The following SPIDR variants were observed in gnomAD, a reference collection of about 807,000 sequenced individuals.
SPIDR encodes the protein DNA repair-scaffolding protein.
In SPIDR, 93 loss-of-function variants were observed where a neutral mutation model predicts 104.6. The ratio of observed to expected loss-of-function variants is 0.89; its 90% CI spans 0.75 to 1.06. The LOEUF (loss-of-function observed/expected upper bound fraction) is 1.06. Among genes scored for constraint, SPIDR ranks in the 50% least tolerant of loss-of-function variants. The probability of loss-of-function intolerance (pLI) is 0.00; values close to 1 mark genes in which losing one functional copy is unlikely to be tolerated. For missense variants in SPIDR, 1,154 were observed against 1,111.2 expected (o/e 1.04, Z -0.55); for synonymous variants, 431 against 416.9 (o/e 1.03, Z -0.41).
intron 8 of SPIDR, among the ~76,000 whole-genome samples, chr8:47,476,062 A>C (rs1315681604): frequency 6.6e-6 from 1 of 152,186 alleles, no homozygotes; most frequent in Non-Finnish European, 1.5e-5. Context: ...ATCAGGCAGG[A>C]CCAATTTAAG....
chr8:47,396,794 C>T (rs1338228801), intron 6 of SPIDR, among the ~76,000 whole-genome samples, 168 bp downstream of exon 6: 1 of 152,206 alleles, frequency 6.6e-6, no homozygotes, highest in Non-Finnish European at 1.5e-5. Context: ...TCATGCCCAG[C>T]AGATGTGACT....
chr8:47,573,136 A>G (rs1587927573), intron 8 of SPIDR, among the ~76,000 whole-genome samples: 1 of 152,352 alleles, frequency 6.6e-6, no homozygotes, highest in African/African-American at 2.4e-5. Context: ...TCTAAATTAT[A>G]AATCAGAAAG....
At chr8:47,429,711 C>T (rs1554687726) in intron 7 of SPIDR, among the ~76,000 whole-genome samples, 1 of 151,234 alleles carries the variant, frequency 6.6e-6, no homozygotes, top group African/African-American at 2.4e-5. Flanking sequence ...TTCATCTGCG[C>T]TGCAGTTTTT....
chr8:47,694,463 AAAAAAT>A (rs780034189), intron 11 of SPIDR, among the ~76,000 whole-genome samples: 1 of 152,160 alleles, frequency 6.6e-6, no homozygotes, highest in African/African-American at 2.4e-5. Context: ...GGAGGAAAGA[AAAAAAT>A]AAAAATGAAT....
chr8:47,279,744 T>C, intron 1 of SPIDR, 118 bp from the exon 2 acceptor site: 1 of 995,030 alleles, frequency 1.0e-6, no homozygotes, highest in South Asian at 1.7e-5. Flanking sequence ...TCAAAAACTA[T>C]ACCTTTACTG....
At chr8:47,503,684 T>C (rs1215147071) in intron 8 of SPIDR, among the ~76,000 whole-genome samples, 1 of 152,200 alleles carries the variant, frequency 6.6e-6, no homozygotes, top group Non-Finnish European at 1.5e-5. Flanking sequence ...TTTATGATGT[T>C]AGGTGGTTAT....
rs147105530 is a variant in SPIDR at position 47,485,991 on chromosome 8, C to G, written c.1097+45449C>G. The stretch of plus-strand genomic sequence containing the variant: ...GCTCCTCGCCAGCAACGGAACAAAG[C>G]TGGACAGAGAATGACGACTTTGACG... On this transcript the variant is annotated intron_variant, in intron 8 of 19. Coordinates refer to ENST00000297423, the MANE Select transcript of SPIDR (RefSeq NM_001080394.4). Among the ~76,000 whole-genome samples, 1,188 of 152,328 alleles carry G rather than the reference C, an allele frequency of 7.8e-3. 10 individuals carry two copies. The highest frequency in any genetic ancestry group is 0.011 in the Non-Finnish European group (742 of 68,032).
chr8:47,519,874 G>A lies in SPIDR; in HGVS notation c.1098-75937G>A, dbSNP rs2083776674. Among the ~76,000 whole-genome samples, 3 of 152,140 alleles carry A rather than the reference G, an allele frequency of 2.0e-5. No individual in the cohort carries two copies. In the South Asian group the frequency reaches 6.2e-4, roughly 32 times the overall value. The stretch of plus-strand genomic sequence containing the variant: ...ATTTATAAATACATATGCTTGATTG[G>A]AGACATGATCTTTAAAAATTTTTAA... On this transcript the variant is annotated intron_variant, in intron 8 of 19. Coordinates refer to ENST00000297423, the MANE Select transcript of SPIDR (RefSeq NM_001080394.4).
In SPIDR at chr8:47,550,907, G is replaced by C. The variant is rs374945611; in HGVS notation, c.1098-44904G>C. Among the ~76,000 whole-genome samples the C allele has an allele frequency of 1.1e-4, 17 of 152,288 alleles. No individual in the cohort carries two copies. The East Asian group carries it at 1.5e-3, about 14-fold the overall frequency. Reference sequence around the variant, plus strand: ...TCAGTATGATATTGGCTGTGGGTTTGTCATAAATAGCTCTTATTATTTTGA... The same window carrying C: ...TCAGTATGATATTGGCTGTGGGTTTCTCATAAATAGCTCTTATTATTTTGA... On this transcript the variant is annotated intron_variant, in intron 8 of 19. Transcript: ENST00000297423.
intron 14 of SPIDR, among the ~76,000 whole-genome samples, chr8:47,707,948 T>C (rs747688429): frequency 6.6e-6 from 1 of 152,260 alleles, no homozygotes; most frequent in Non-Finnish European, 1.5e-5. Context: ...TAAATTTGCA[T>C]TGGTAATATT....
intron 5 of SPIDR, among the ~76,000 whole-genome samples, chr8:47,307,250 A>T (rs2043244996): frequency 1.4e-5 from 2 of 142,742 alleles, no homozygotes; most frequent in Admixed American, 1.4e-4. Context: ...TTTTTAATGG[A>T]GTCTCTATCG....
At chr8:47,534,812 T>A (rs970747509) in intron 8 of SPIDR, among the ~76,000 whole-genome samples, 13 of 151,240 alleles carry the variant, frequency 8.6e-5, no homozygotes, top group African/African-American at 2.9e-4. Flanking sequence ...AGGCAGAAAT[T>A]AATGAAATCG....
At chr8:47,729,531 A>G in intron 19 of SPIDR, 66 bp downstream of exon 19, 1 of 1,532,746 alleles carries the variant, frequency 6.5e-7, no homozygotes, top group African/African-American at 1.4e-5. Flanking sequence ...ACTCATCCCC[A>G]GAGGAAGCCC....
At chr8:47,604,815 G>A (rs73567590) in intron 10 of SPIDR, among the ~76,000 whole-genome samples, 1 of 152,158 alleles carries the variant, frequency 6.6e-6, no homozygotes, top group African/African-American at 2.4e-5. Flanking sequence ...ATGAGACATC[G>A]AAGAAGAGAT....
At chr8:47,421,815 A>G (rs1554680945) in intron 7 of SPIDR, among the ~76,000 whole-genome samples, 1 of 152,064 alleles carries the variant, frequency 6.6e-6, no homozygotes, top group East Asian at 1.9e-4. Flanking sequence ...CTGTTTGTTA[A>G]TTTTCCTTCT....
At chr8:47,464,175 A>C (rs1394298776) in intron 8 of SPIDR, among the ~76,000 whole-genome samples, 1 of 151,816 alleles carries the variant, frequency 6.6e-6, no homozygotes, top group Non-Finnish European at 1.5e-5. Flanking sequence ...TAGTAAATTG[A>C]GGAAAGTTGC....
rs955323230 is a variant in SPIDR, at chr8:47,557,093, A to G, written c.1098-38718A>G. On this transcript the variant is annotated intron_variant, in intron 8 of 19. Transcript: ENST00000297423. ...CTGCATTCCCAGGCCAGCCCCCAAA[A>G]GTCTGTTTTATACTAATGCATTATA... Among the ~76,000 whole-genome samples the G allele has an allele frequency of 9.2e-5, 14 of 152,220 alleles. No individual in the cohort carries two copies. The East Asian group carries it at 2.7e-3, about 29-fold the overall frequency.
intron 5 of SPIDR, among the ~76,000 whole-genome samples, chr8:47,310,725 A>G (rs1487978045): frequency 2.6e-5 from 4 of 152,204 alleles, no homozygotes; most frequent in Non-Finnish European, 4.4e-5. Flanking sequence ...GTAGTCTTTC[A>G]TAAAGAAGGG....
At chr8:47,471,682 C>T (rs937940968) in intron 8 of SPIDR, among the ~76,000 whole-genome samples, 2 of 152,048 alleles carry the variant, frequency 1.3e-5, no homozygotes, top group Non-Finnish European at 2.9e-5. Flanking sequence ...GAATAGTCCA[C>T]TTAAAATGGT....
Sources: allele counts gnomAD v4.1 joint callset (sites outside exome capture counted in the v4.1 genomes callset), GRCh38; gene constraint gnomAD v4.1.1; transcripts MANE v1.5; gene names NCBI Gene and HGNC (gene_info 2026-07-23, HGNC 2026-07-21).